The following SMAD9 variants were observed in gnomAD, a reference collection of about 807,000 sequenced individuals.
SMAD9 encodes the protein SMAD family member 9.
Under a neutral mutation model 46.1 loss-of-function variants are expected in SMAD9, and 36 were observed. The ratio of observed to expected loss-of-function variants is 0.78; its 90% CI spans 0.60 to 1.03. The LOEUF is 1.03. Ranked by LOEUF, SMAD9 falls within the 50% of genes least tolerant of loss-of-function variation. The pLI, the probability that SMAD9 is intolerant of heterozygous loss-of-function variation, is 0.00. For missense variants in SMAD9, 572 were observed against 599.8 expected, an observed-to-expected ratio of 0.95 and a Z score of 0.48; for synonymous variants, 245 against 237.1, an observed-to-expected ratio of 1.03 and a Z score of -0.31.
At chr13:36,853,288 AAATAAT>A (rs761238448) in intron 6 of SMAD9, 125 bp downstream of exon 6, 34 of 884,934 alleles carry the variant, frequency 3.8e-5, no homozygotes, top group Middle Eastern at 3.2e-4. Context: ...CCGTCTCAAA[AAATAAT>A]AATAATAATA....
intron 1 of SMAD9, among the ~76,000 whole-genome samples, chr13:36,909,828 A>G (rs749909803): frequency 9.2e-5 from 14 of 152,168 alleles, no homozygotes; most frequent in Admixed American, 2.6e-4. Flanking sequence ...AATATTGTAT[A>G]TTACCAACAT....
At chr13:36,850,196 G>A (rs1227564102) in intron 6 of SMAD9, 2 of 152,264 alleles carry the variant, frequency 1.3e-5, no homozygotes, top group Non-Finnish European at 2.9e-5. Flanking sequence ...ATTTGATTTA[G>A]TTCATCACAT....
rs557713954 is a variant in SMAD9, at chr13:36,878,265, G to T, written c.412+1013C>A. ...ACTGTGTAATCATGTTTTGCTTGAG[G>T]GACCAATATAAGACAGTGGTCCCCC... is the stretch of plus-strand genomic sequence containing the variant. On this transcript the variant is annotated intron_variant, in intron 2 of 6. Coordinates refer to ENST00000379826, the MANE Select transcript of SMAD9 (RefSeq NM_001127217.3). Among the ~76,000 whole-genome samples, 19 of 152,132 alleles carry T rather than the reference G, an allele frequency of 1.2e-4. No individual in the cohort carries two copies. The South Asian group carries it at 3.7e-3, about 30-fold the overall frequency.
At position 36,845,123 on chromosome 13, in the gene SMAD9, T is replaced by C. The variant is rs1424251903; in HGVS notation, c.*3553A>G. On this transcript the variant is annotated 3_prime_UTR_variant, in exon 7 of 7. Transcript: ENST00000379826. Reference sequence around the variant, plus strand: ...ATATGTGTGTGTGTGTGTATATATATATATATATATACACACTAAATATTT... The same window carrying C: ...ATATGTGTGTGTGTGTGTATATATACATATATATATACACACTAAATATTT... 1 of 151,954 alleles carries C rather than the reference T, an allele frequency of 6.6e-6. No individual in the cohort carries two copies. Among genetic ancestry groups the C allele is most frequent in the African/African-American group, 2.4e-5 (1 of 41,380 alleles). The allele number at this position is 151,954 out of a possible 1,614,324, so 9.4% of individuals were successfully genotyped here.
chr13:36,910,191 C>T (rs566646755), intron 1 of SMAD9, among the ~76,000 whole-genome samples: 9 of 145,836 alleles, frequency 6.2e-5, no homozygotes, highest in East Asian at 2.0e-4. Flanking sequence ...AGCGAGACTC[C>T]GTCTCAAAAA....
At chr13:36,912,917 C>T (rs545867952) in intron 1 of SMAD9, among the ~76,000 whole-genome samples, 1 of 152,242 alleles carries the variant, frequency 6.6e-6, no homozygotes, top group East Asian at 1.9e-4. Flanking sequence ...GGGATTCAGT[C>T]CAGAATCCCC....
intron 5 of SMAD9, among the ~76,000 whole-genome samples, chr13:36,855,429 G>A (rs1380128931): frequency 1.3e-5 from 2 of 152,000 alleles, no homozygotes; most frequent in African/African-American, 4.8e-5. Flanking sequence ...TTCTAGTCTA[G>A]TGAATATTAA....
At position 36,847,379 on chromosome 13, in the gene SMAD9, T is replaced by C. The variant is rs2058044105; in HGVS notation, c.*1297A>G. 1 of 152,234 alleles carries C rather than the reference T, an allele frequency of 6.6e-6. No homozygotes were observed. Among genetic ancestry groups the C allele is most frequent in the Non-Finnish European group, 1.5e-5 (1 of 68,040 alleles). The allele number at this position is 152,234 out of a possible 1,614,324, so 9.4% of individuals were successfully genotyped here. A position where few individuals can be genotyped will look rare whatever the true frequency, so the allele number is the denominator to read the frequency against. On this transcript the variant is annotated 3_prime_UTR_variant, in exon 7 of 7. Transcript: ENST00000379826. ...CAGTGTTTAGTGCATGGCAAGTATA[T>C]ATATGAAAGTACCTAGAAATTTGGG...
intron 3 of SMAD9, among the ~76,000 whole-genome samples, chr13:36,867,629 TGAGTTCTAATGACTTCAGGGCAA>T (rs2058248549): frequency 6.6e-6 from 1 of 152,204 alleles, no homozygotes; most frequent in African/African-American, 2.4e-5. Flanking sequence ...GAGTTATCAT[TGAGTTCTAATGACTTCAGGGCAA>T]GACTTTCAAA....
At chr13:36,860,638 A>G (rs2058172248) in intron 5 of SMAD9, among the ~76,000 whole-genome samples, 1 of 151,388 alleles carries the variant, frequency 6.6e-6, no homozygotes, top group Non-Finnish European at 1.5e-5. Flanking sequence ...ATTTTTTAGT[A>G]GAGACGGGGT....
At chr13:36,888,858 T>G (rs902428267) in intron 1 of SMAD9, among the ~76,000 whole-genome samples, 4 of 152,020 alleles carry the variant, frequency 2.6e-5, no homozygotes, top group Non-Finnish European at 5.9e-5. Flanking sequence ...TATAATAGCT[T>G]AGAGAGGAAG....
At chr13:36,868,269 C>T (rs1364186353) in intron 3 of SMAD9, among the ~76,000 whole-genome samples, 3 of 152,218 alleles carry the variant, frequency 2.0e-5, no homozygotes, top group Non-Finnish European at 4.4e-5. Context: ...TAGCCATGTA[C>T]ATTTTAACAT....
intron 6 of SMAD9, among the ~76,000 whole-genome samples, chr13:36,851,234 C>T (rs1226940830): frequency 6.6e-6 from 1 of 152,168 alleles, no homozygotes; most frequent in Non-Finnish European, 1.5e-5. Flanking sequence ...CATCTCACTT[C>T]CCCTGCTCAT....
intron 1 of SMAD9, among the ~76,000 whole-genome samples, chr13:36,882,227 C>CTGTG (rs61006734): frequency 0.23 from 34,050 of 149,254 alleles, 4,478 homozygotes; most frequent in Middle Eastern, 0.36. Context: ...CAGGTATGTG[C>CTGTG]TGTGTGTGTG....
chr13:36,850,578 C>G (rs1466626940), intron 6 of SMAD9, among the ~76,000 whole-genome samples: 2 of 151,848 alleles, frequency 1.3e-5, no homozygotes, highest in Non-Finnish European at 2.9e-5. Context: ...GGGGTTTTGC[C>G]ATGTTGGCCA....
At chr13:36,888,005 C>A (rs1429295423) in intron 1 of SMAD9, among the ~76,000 whole-genome samples, 1 of 152,136 alleles carries the variant, frequency 6.6e-6, no homozygotes, top group Admixed American at 6.5e-5. Flanking sequence ...CCAACAGGGG[C>A]CCGTCTGCCA....
At chr13:36,870,939 CA>C (rs1233954011) in intron 3 of SMAD9, among the ~76,000 whole-genome samples, 1 of 152,108 alleles carries the variant, frequency 6.6e-6, no homozygotes, top group Non-Finnish European at 1.5e-5. Context: ...ATGCGCTGGG[CA>C]ATGGAATGAT....
In SMAD9 at chr13:36,848,106, A is replaced by T. The variant is rs2058048133; in HGVS notation, c.*570T>A. The T allele has an allele frequency of 6.5e-6, 1 of 153,360 alleles. No individual in the cohort carries two copies. Among genetic ancestry groups the T allele is most frequent in the African/African-American group, 2.4e-5 (1 of 41,418 alleles). 9.5% of individuals were successfully genotyped at this position (153,360 alleles called of 1,614,324 possible). ...TGTTTAAAATGTACCACTGAATATG[A>T]GCACAGGAGCCCAGCTATAGGTATG... On this transcript the variant is annotated 3_prime_UTR_variant, in exon 7 of 7. Coordinates refer to ENST00000379826, the MANE Select transcript of SMAD9 (RefSeq NM_001127217.3).
chr13:36,873,480 G>T (rs1050481899), intron 2 of SMAD9, among the ~76,000 whole-genome samples: 34 of 152,284 alleles, frequency 2.2e-4, no homozygotes, highest in African/African-American at 7.7e-4. Context: ...AACATTCTAT[G>T]TGTCCTTAAT....
Sources: gnomAD v4.1 joint callset for allele counts (sites outside exome capture counted in the v4.1 genomes callset) on GRCh38, gnomAD v4.1.1 for gene constraint, MANE v1.5 for transcripts, NCBI Gene and HGNC (gene_info 2026-07-23, HGNC 2026-07-21) for gene names.